SIM1: variants seen among roughly 807,000 people sequenced by gnomAD.
SIM1 encodes the protein single-minded homolog 1.
Under a neutral mutation model 78.2 loss-of-function variants are expected in SIM1, and 18 were observed. The ratio of observed to expected loss-of-function variants is 0.23; its 90% CI spans 0.16 to 0.34. The LOEUF is 0.34. Ranked by LOEUF, SIM1 falls within the 10% of genes least tolerant of loss-of-function variation. The probability of loss-of-function intolerance (pLI) is 1.00; values close to 1 mark genes in which losing one functional copy is unlikely to be tolerated. For missense variants in SIM1, 939 were observed against 975.1 expected, an observed-to-expected ratio of 0.96 and a Z score of 0.49; for synonymous variants, 417 against 385.2, an observed-to-expected ratio of 1.08 and a Z score of -0.97.
intron 2 of SIM1, chr6:100,463,011 A>G: frequency 2.9e-6 from 1 of 340,182 alleles, no homozygotes; most frequent in Non-Finnish European, 5.3e-6. Context: ...AATTGAGCCT[A>G]GTATCTGAAG....
At chr6:100,456,216 A>G (rs1035833631) in intron 2 of SIM1, among the ~76,000 whole-genome samples, 2 of 152,164 alleles carry the variant, frequency 1.3e-5, no homozygotes, top group Non-Finnish European at 2.9e-5. Flanking sequence ...AACCTCCCCA[A>G]GTCCTAGTAA....
intron 9 of SIM1, among the ~76,000 whole-genome samples, chr6:100,423,366 C>A (rs1428709416): frequency 6.6e-6 from 1 of 152,166 alleles, no homozygotes; most frequent in African/African-American, 2.4e-5. Context: ...TACATATTTA[C>A]TGAGTGTCTC....
Position 100,448,314 on chromosome 6 carries a change from C to T in SIM1, c.744-62G>A, listed in dbSNP as rs190733037. 96 of 1,424,672 alleles carry T rather than the reference C, an allele frequency of 6.7e-5. 1 individual carries two copies. The highest frequency in any genetic ancestry group is 5.5e-4 in the Middle Eastern group (3 of 5,498). The allele number at this position is 1,424,672 out of a possible 1,614,324, so 88.3% of individuals were successfully genotyped here. On this transcript the variant is annotated intron_variant, in intron 7 of 11. Coordinates refer to ENST00000369208, the MANE Select transcript of SIM1 (RefSeq NM_005068.3). ...CGGGTGCAGGGATGCCCTCCCCACA[C>T]ACCCTCGACAGCCGTCTGACACCTA...
intron 9 of SIM1, among the ~76,000 whole-genome samples, chr6:100,422,387 A>G (rs1771616274): frequency 6.6e-6 from 1 of 152,100 alleles, no homozygotes; most frequent in Non-Finnish European, 1.5e-5. Flanking sequence ...TATTTTTAGT[A>G]GAGACAGGGG....
At chr6:100,462,523 G>A (rs1772881466) in intron 2 of SIM1, 2 of 152,164 alleles carry the variant, frequency 1.3e-5, no homozygotes, top group African/African-American at 4.8e-5. Context: ...CATGTCAACA[G>A]CTCAGCTATT....
chr6:100,449,209 G>A (rs1449367036), intron 6 of SIM1, among the ~76,000 whole-genome samples, 154 bp downstream of exon 6: 1 of 152,182 alleles, frequency 6.6e-6, no homozygotes, highest in East Asian at 1.9e-4. Flanking sequence ...AAGTTCCGTG[G>A]CCCTCGTGGA....
At chr6:100,401,762 T>C (rs890701407) in intron 10 of SIM1, among the ~76,000 whole-genome samples, 1 of 152,220 alleles carries the variant, frequency 6.6e-6, no homozygotes, top group Non-Finnish European at 1.5e-5. Context: ...ACTTATGTCT[T>C]ATTTTTATAG....
In SIM1 at chr6:100,422,955, G is replaced by A. The variant is rs545601729; in HGVS notation, c.999-1997C>T. Among the ~76,000 whole-genome samples, 24 of 152,220 alleles carry A rather than the reference G, an allele frequency of 1.6e-4. No individual in the cohort carries two copies. In the East Asian group the frequency reaches 2.5e-3, roughly 16 times the overall value. ...GCAATGATGTATATCAGCAAATTACGATGGCTTACTATCAAATAATCCATC... is the reference window on the plus strand; with the variant it reads ...GCAATGATGTATATCAGCAAATTACAATGGCTTACTATCAAATAATCCATC... On this transcript the variant is annotated intron_variant, in intron 9 of 11. Coordinates refer to ENST00000369208, the MANE Select transcript of SIM1 (RefSeq NM_005068.3).
At chr6:100,409,040 T>C (rs577765312) in intron 10 of SIM1, among the ~76,000 whole-genome samples, 6 of 152,134 alleles carry the variant, frequency 3.9e-5, no homozygotes, top group Non-Finnish European at 7.4e-5. Context: ...TATTAGACTT[T>C]GTTTTGTTTG....
At chr6:100,461,105 A>C (rs1481444461) in intron 2 of SIM1, among the ~76,000 whole-genome samples, 2 of 152,122 alleles carry the variant, frequency 1.3e-5, no homozygotes, top group Non-Finnish European at 2.9e-5. Flanking sequence ...GGGCTGCAGA[A>C]AGCACAGTCA....
intron 8 of SIM1, 108 bp downstream of exon 8, chr6:100,448,038 C>A: frequency 1.2e-6 from 1 of 863,328 alleles, no homozygotes; most frequent in Non-Finnish European, 1.8e-6. Flanking sequence ...ACCCGGCTCC[C>A]TGGGCTCCCA....
intron 9 of SIM1, among the ~76,000 whole-genome samples, chr6:100,433,015 C>G (rs1057362935): frequency 6.6e-6 from 1 of 152,132 alleles, no homozygotes; most frequent in Admixed American, 6.5e-5. Context: ...TCTGCAAATC[C>G]CATTGGGCCT....
Position 100,390,857 on chromosome 6 carries a change from T to G in SIM1, c.1805A>C (p.His602Pro). The change falls in exon 12 of 12, where the codon CAC becomes CCC. Residue 602 changes from histidine to proline, a missense_variant. Physicochemically the swap from His to Pro is moderately conservative, Grantham distance 77. Coordinates refer to ENST00000369208, the MANE Select transcript of SIM1 (RefSeq NM_005068.3). ...TTGGTAGTTTGCAAAACACAGGGAG[T>G]GTTTTTTCCCAGCCCCATTAATGGA... ...LASINGAGKK[H>P]SLCFANYQQP... 1 of 1,613,912 alleles carries G rather than the reference T, an allele frequency of 6.2e-7. No homozygotes were observed.
chr6:100,461,476 C>A (rs933467930), intron 2 of SIM1, among the ~76,000 whole-genome samples: 4 of 152,226 alleles, frequency 2.6e-5, no homozygotes, highest in African/African-American at 9.6e-5. Context: ...CCCGCGATTA[C>A]TCGCAGCCCC....
At chr6:100,437,708 C>T (rs1184576936) in intron 9 of SIM1, among the ~76,000 whole-genome samples, 1 of 152,148 alleles carries the variant, frequency 6.6e-6, no homozygotes, top group Non-Finnish European at 1.5e-5. Flanking sequence ...GACGTTTCTC[C>T]CTCTGCATGG....
chr6:100,419,109 T>C (rs1481384544), intron 10 of SIM1, among the ~76,000 whole-genome samples: 2 of 152,116 alleles, frequency 1.3e-5, no homozygotes, highest in Non-Finnish European at 2.9e-5. Context: ...GAGGTTGTGG[T>C]GAGCCGAGAT....
intron 10 of SIM1, among the ~76,000 whole-genome samples, chr6:100,405,322 G>T (rs1276451568): frequency 6.6e-6 from 1 of 152,054 alleles, no homozygotes; most frequent in Non-Finnish European, 1.5e-5. Flanking sequence ...AATTTTGCTA[G>T]AGGAACTGAG....
intron 10 of SIM1, among the ~76,000 whole-genome samples, chr6:100,416,696 T>A (rs1183573989): frequency 6.6e-6 from 1 of 152,200 alleles, no homozygotes; most frequent in African/African-American, 2.4e-5. Context: ...GAAAGGAGAA[T>A]CTGATATGTG....
chr6:100,461,845 T>C (rs796798568), intron 2 of SIM1, among the ~76,000 whole-genome samples: 46 of 140,722 alleles, frequency 3.3e-4, no homozygotes, highest in African/African-American at 1.0e-3. Flanking sequence ...TTCTTTCTTT[T>C]TTTTTTTTTT....
Sources: gnomAD v4.1 joint callset for allele counts (sites outside exome capture counted in the v4.1 genomes callset) on GRCh38, gnomAD v4.1.1 for gene constraint, MANE v1.5 for transcripts, NCBI Gene and HGNC (gene_info 2026-07-23, HGNC 2026-07-21) for gene names.